Variants in HS3ST4 observed in about 807,000 individuals in gnomAD.
HS3ST4 encodes the protein heparan sulfate glucosamine 3-O-sulfotransferase 4.
HS3ST4 carries 17 observed loss-of-function variants against 29.2 expected under a neutral mutation model. The ratio of observed to expected loss-of-function variants is 0.58; its 90% confidence interval spans 0.40 to 0.87. The LOEUF (loss-of-function observed/expected upper bound fraction) is 0.87, where lower values mean the gene tolerates loss of function less well. HS3ST4 is among the 40% of genes least tolerant of loss of function. The probability of loss-of-function intolerance (pLI) is 0.00; values close to 1 mark genes in which losing one functional copy is unlikely to be tolerated. For synonymous variants in HS3ST4, 314 were observed against 285.7 expected (o/e 1.10, Z -1.00); for missense variants, 627 against 634.5 (o/e 0.99, Z 0.13).
At chr16:26,062,216 C>T (rs1265251952) in intron 1 of HS3ST4, among the ~76,000 whole-genome samples, 1 of 152,220 alleles carries the variant, frequency 6.6e-6, no homozygotes, top group African/African-American at 2.4e-5. Context: ...TCTTCCAACT[C>T]AGAGCATTTA....
chr16:26,001,308 G>A (rs1420770076), intron 1 of HS3ST4, among the ~76,000 whole-genome samples: 6 of 152,062 alleles, frequency 3.9e-5, no homozygotes, highest in Admixed American at 6.6e-5. Context: ...CTCTACAATG[G>A]CTCTGAAAAA....
chr16:25,828,547 G>A (rs1473654994), intron 1 of HS3ST4, among the ~76,000 whole-genome samples: 1 of 151,684 alleles, frequency 6.6e-6, no homozygotes, highest in East Asian at 1.9e-4. Context: ...CATCTTGTTG[G>A]CCAGGCCAGA....
intron 1 of HS3ST4, among the ~76,000 whole-genome samples, chr16:25,823,263 T>C (rs1021311445): frequency 8.5e-5 from 13 of 152,224 alleles, no homozygotes; most frequent in African/African-American, 2.9e-4. Context: ...TTTCTGCTTC[T>C]TGATTTCCCT....
At chr16:25,913,867 G>C (rs1968264218) in intron 1 of HS3ST4, among the ~76,000 whole-genome samples, 1 of 150,122 alleles carries the variant, frequency 6.7e-6, no homozygotes, top group Non-Finnish European at 1.5e-5. Flanking sequence ...GTGTGTGTGG[G>C]GGTGTGTGTG....
At chr16:25,854,260 G>A (rs1967551492) in intron 1 of HS3ST4, among the ~76,000 whole-genome samples, 1 of 152,076 alleles carries the variant, frequency 6.6e-6, no homozygotes, top group Admixed American at 6.6e-5. Context: ...AACAAGCGTG[G>A]CTACTTCCTG....
At chr16:25,910,817 A>G (rs1968231130) in intron 1 of HS3ST4, among the ~76,000 whole-genome samples, 1 of 152,040 alleles carries the variant, frequency 6.6e-6, no homozygotes, top group African/African-American at 2.4e-5. Flanking sequence ...GAATATTATT[A>G]TGGTAATGTT....
At chr16:25,880,104 A>G (rs1596600711) in intron 1 of HS3ST4, among the ~76,000 whole-genome samples, 1 of 152,342 alleles carries the variant, frequency 6.6e-6, no homozygotes, top group East Asian at 1.9e-4. Context: ...AATAATTGGT[A>G]GTACAATTAT....
chr16:25,871,124 A>T (rs577069224), intron 1 of HS3ST4, among the ~76,000 whole-genome samples: 1 of 152,194 alleles, frequency 6.6e-6, no homozygotes, highest in African/African-American at 2.4e-5. Flanking sequence ...TGAGACATAC[A>T]AGAGTTTTTG....
At chr16:26,132,101 C>G (rs970726039) in intron 1 of HS3ST4, among the ~76,000 whole-genome samples, 1 of 152,134 alleles carries the variant, frequency 6.6e-6, no homozygotes, top group Admixed American at 6.5e-5. Flanking sequence ...CTTTATGTAT[C>G]AGCTGTGGGA....
intron 1 of HS3ST4, among the ~76,000 whole-genome samples, chr16:25,775,860 A>G (rs1050582391): frequency 2.0e-5 from 3 of 152,184 alleles, no homozygotes; most frequent in Non-Finnish European, 2.9e-5. Context: ...ATCAAATTCC[A>G]TGATGGCACA....
rs1249704913 is a variant in HS3ST4 at position 26,025,234 on chromosome 16, T to TTAC, written c.735-110376_735-110375insCTA. On this transcript the variant is annotated intron_variant, in intron 1 of 1. Coordinates refer to ENST00000331351, the MANE Select transcript of HS3ST4 (RefSeq NM_006040.3). ...CACCTGATGTTAAGATAGGGCCTAG[T>TTAC]TAGGTTGGTGCAAAAGTAACTGCGG... is the stretch of plus-strand genomic sequence containing the variant. 3 of 154,698 alleles carry TTAC rather than the reference T, an allele frequency of 1.9e-5. No individual in the cohort carries two copies. The Admixed American group carries it at 2.0e-4, about 10-fold the overall frequency. 9.6% of individuals were successfully genotyped at this position (154,698 alleles called of 1,614,324 possible). A position where few individuals can be genotyped will look rare whatever the true frequency, so the allele number is the denominator to read the frequency against.
intron 1 of HS3ST4, among the ~76,000 whole-genome samples, chr16:25,906,229 C>T (rs1470960477): frequency 1.3e-5 from 2 of 152,124 alleles, no homozygotes; most frequent in Non-Finnish European, 2.9e-5. Context: ...GGCAGTCTCA[C>T]TTTTTCACTT....
intron 1 of HS3ST4, among the ~76,000 whole-genome samples, chr16:25,968,822 G>A (rs892262027): frequency 3.8e-4 from 58 of 152,088 alleles, no homozygotes; most frequent in Admixed American, 3.5e-3. Flanking sequence ...TGTTTGTTTT[G>A]TTTTGTTTTT....
At position 26,054,299 on chromosome 16, in the gene HS3ST4, A is replaced by AGAGAGAGAGAGAGAG. The variant is rs397962355; in HGVS notation, c.735-81313_735-81312insGAGAGAGAGAGAGAG. Among the ~76,000 whole-genome samples, 178 of 141,622 alleles carry AGAGAGAGAGAGAGAG rather than the reference A, an allele frequency of 1.3e-3. 3 individuals carry two copies. The highest frequency in any genetic ancestry group is 3.8e-3 in the Middle Eastern group (1 of 262). 92.9% of individuals were successfully genotyped at this position (141,622 alleles called of 152,430 possible). On this transcript the variant is annotated intron_variant, in intron 1 of 1. Coordinates refer to ENST00000331351, the MANE Select transcript of HS3ST4 (RefSeq NM_006040.3). ...GAGAGAGAGAGAGAGAGAGAGAGAG[A>AGAGAGAGAGAGAGAG]AGGAGGAGGAGGAAGAAGAAGAAGA...
At chr16:25,942,781 G>C (rs1366863390) in intron 1 of HS3ST4, among the ~76,000 whole-genome samples, 4 of 149,246 alleles carry the variant, frequency 2.7e-5, no homozygotes, top group African/African-American at 1.0e-4. Context: ...ATCATCCCTG[G>C]CTAATTTTTT....
chr16:26,055,102 G>T lies in HS3ST4; in HGVS notation c.735-80510G>T, dbSNP rs561853131. On this transcript the variant is annotated intron_variant, in intron 1 of 1. Coordinates refer to ENST00000331351, the MANE Select transcript of HS3ST4 (RefSeq NM_006040.3). ...TATCTTTTCTTAAATTTGATGAGTT[G>T]TTTTTTTTTTTCTATCCTCCAAGAT... Among the ~76,000 whole-genome samples the T allele has an allele frequency of 4.1e-3, 596 of 146,184 alleles. 2 individuals are homozygous for T. Among genetic ancestry groups the T allele is most frequent in the African/African-American group, 0.014 (571 of 40,006 alleles).
chr16:25,879,995 A>G (rs779556735), intron 1 of HS3ST4, among the ~76,000 whole-genome samples: 7 of 152,138 alleles, frequency 4.6e-5, no homozygotes, highest in Non-Finnish European at 7.4e-5. Flanking sequence ...CCATGATTCA[A>G]TTATCTCCAC....
intron 1 of HS3ST4, among the ~76,000 whole-genome samples, chr16:25,983,657 T>G (rs1199055022): frequency 6.6e-6 from 1 of 152,210 alleles, no homozygotes; most frequent in Admixed American, 6.5e-5. Flanking sequence ...CAGCTGTGAT[T>G]CTCCAGCCCA....
At chr16:26,052,380 T>A (rs1898358136) in intron 1 of HS3ST4, among the ~76,000 whole-genome samples, 1 of 152,212 alleles carries the variant, frequency 6.6e-6, no homozygotes. Context: ...ATTATTATTA[T>A]TTTCTTTTGC....
Sources: gnomAD v4.1 joint callset for allele counts (sites outside exome capture counted in the v4.1 genomes callset) on GRCh38, gnomAD v4.1.1 for gene constraint, MANE v1.5 for transcripts, NCBI Gene and HGNC (gene_info 2026-07-23, HGNC 2026-07-21) for gene names.